NFIA: variants seen among roughly 807,000 people sequenced by gnomAD.
NFIA encodes nuclear factor I A.
NFIA carries 8 observed loss-of-function variants against 62.8 expected under a neutral mutation model. The ratio of observed to expected loss-of-function variants is 0.13; its 90% CI spans 0.07 to 0.23. The LOEUF (loss-of-function observed/expected upper bound fraction) is 0.23. Ranked by LOEUF, NFIA falls within the 10% of genes least tolerant of loss-of-function variation. The pLI, the probability that NFIA is intolerant of heterozygous loss-of-function variation, is 1.00. For synonymous variants in NFIA, 235 were observed against 238.1 expected (o/e 0.99, Z 0.12); for missense variants, 410 against 642.1 (o/e 0.64, Z 3.91).
chr1:61,186,795 C>G (rs906085010), intron 2 of NFIA, among the ~76,000 whole-genome samples: 1 of 152,190 alleles, frequency 6.6e-6, no homozygotes, highest in Non-Finnish European at 1.5e-5. Flanking sequence ...TTAATCCTTA[C>G]AGCAACCTTA....
intron 10 of NFIA, among the ~76,000 whole-genome samples, chr1:61,453,277 A>G (rs1480438104): frequency 6.6e-6 from 1 of 151,978 alleles, no homozygotes; most frequent in African/African-American, 2.4e-5. Context: ...TGCTCTTAGC[A>G]ACCAGACATG....
rs186061464 is a variant in NFIA, at chr1:61,373,057, A to G, written c.947-10180A>G. Among the ~76,000 whole-genome samples the G allele has an allele frequency of 9.2e-5, 14 of 152,290 alleles. No homozygotes were observed. In the East Asian group the frequency reaches 2.1e-3, roughly 23 times the overall value. On this transcript the variant is annotated intron_variant, in intron 6 of 10. Transcript: ENST00000403491. Reference sequence around the variant, plus strand: ...TGCTGTGTAGCTTCTAGCTTGAACTATGAACTACGGAATACTTATAAAGTG... The same window carrying G: ...TGCTGTGTAGCTTCTAGCTTGAACTGTGAACTACGGAATACTTATAAAGTG...
Position 61,102,879 on chromosome 1 carries a change from A to T in NFIA, c.559+14199A>T, listed in dbSNP as rs1448253268. ...GTAAATTCTAACGCATCAGCCTCAGATCTTTGATTCCTTGAGCTTTTGGAA... is the reference window on the plus strand; with the variant it reads ...GTAAATTCTAACGCATCAGCCTCAGTTCTTTGATTCCTTGAGCTTTTGGAA... On this transcript the variant is annotated intron_variant, in intron 2 of 10. Coordinates refer to ENST00000403491, the MANE Select transcript of NFIA (RefSeq NM_001134673.4). Among the ~76,000 whole-genome samples, 3 of 152,134 alleles carry T rather than the reference A, an allele frequency of 2.0e-5. No individual in the cohort carries two copies. In the East Asian group the frequency reaches 5.8e-4, roughly 29 times the overall value.
intron 2 of NFIA, among the ~76,000 whole-genome samples, chr1:61,164,090 C>T (rs1649403134): frequency 6.6e-6 from 1 of 151,998 alleles, no homozygotes; most frequent in South Asian, 2.1e-4. Context: ...GTGGTCTAAA[C>T]AAAGATTTTT....
chr1:61,222,420 C>T (rs1297156841), intron 2 of NFIA, among the ~76,000 whole-genome samples: 1 of 152,022 alleles, frequency 6.6e-6, no homozygotes, highest in African/African-American at 2.4e-5. Flanking sequence ...TGTTTGTTTT[C>T]ATTCTTGAAT....
intron 6 of NFIA, among the ~76,000 whole-genome samples, chr1:61,372,709 G>A (rs916443369): frequency 6.6e-6 from 1 of 152,030 alleles, no homozygotes; most frequent in Non-Finnish European, 1.5e-5. Context: ...TTTAATAGTA[G>A]TGTGGTCCTT....
In NFIA at chr1:61,359,158, G is replaced by A. The variant is rs1367849870; in HGVS notation, c.830G>A (p.Arg277His). 6.8e-6 allele frequency: 11 copies of A among 1,613,218 alleles called. No homozygotes were observed. The highest frequency in any genetic ancestry group is 1.1e-5 in the South Asian group (1 of 91,014). The change falls in exon 6 of 11, where the codon CGC becomes CAC. Residue 277 changes from arginine to histidine, a missense_variant. This residue lies in a region of NFIA where 298 missense variants were observed against 438.1 expected (regional missense o/e 0.68). Transcript: ENST00000403491. The stretch of plus-strand genomic sequence containing the variant: ...ATTTGTTATTTCAGCTCCACAAAGC[G>A]CCTCAAGTCTGTGGAGGATGAAATG... Reference protein sequence around the residue: ...PSTSSTSSTKRLKSVEDEMDS... With the variant: ...PSTSSTSSTKHLKSVEDEMDS...
intron 3 of NFIA, among the ~76,000 whole-genome samples, chr1:61,318,210 A>G (rs1660472315): frequency 6.6e-6 from 1 of 152,196 alleles, no homozygotes. Context: ...TACATTAGAT[A>G]TATAACTTAC....
At chr1:61,128,487 A>G (rs1421936277) in intron 2 of NFIA, among the ~76,000 whole-genome samples, 1 of 152,000 alleles carries the variant, frequency 6.6e-6, no homozygotes, top group African/African-American at 2.4e-5. Context: ...AGTCCTAGCT[A>G]TTAATACGTG....
chr1:61,333,047 G>GCACACA (rs71050120), intron 4 of NFIA, among the ~76,000 whole-genome samples: 2,717 of 144,690 alleles, frequency 0.019, 24 homozygotes, highest in Middle Eastern at 0.032. Flanking sequence ...TAGCATGCAC[G>GCACACA]CACACACACA....
chr1:61,436,102 T>C (rs1451058156), intron 10 of NFIA, among the ~76,000 whole-genome samples: 1 of 152,142 alleles, frequency 6.6e-6, no homozygotes, highest in Non-Finnish European at 1.5e-5. Flanking sequence ...AAACATGGAC[T>C]CTGAAAAGGC....
rs1251104862 is a variant in NFIA, at chr1:61,457,991, T to G, written c.*2671T>G. The G allele has an allele frequency of 1.3e-5, 2 of 152,112 alleles. No individual in the cohort carries two copies. Among genetic ancestry groups the G allele is most frequent in the Non-Finnish European group, 2.9e-5 (2 of 68,016 alleles). The allele number at this position is 152,112 out of a possible 1,614,324, so 9.4% of individuals were successfully genotyped here. ...TTCTGAAAATTGTTTACTGGTTATC[T>G]CTATTTAAGGAAAAAAAAATAAAAT... On this transcript the variant is annotated 3_prime_UTR_variant, in exon 11 of 11. Transcript: ENST00000403491. This position sits in a 1 kb window ranked among gnomAD's most constrained non-coding sequence, Gnocchi z 4.2.
At chr1:61,330,429 T>A (rs1212703342) in intron 3 of NFIA, among the ~76,000 whole-genome samples, 4 of 103,078 alleles carry the variant, frequency 3.9e-5, no homozygotes, top group African/African-American at 1.2e-4. Context: ...ACTTAGGAAA[T>A]AGATACACCC....
chr1:61,093,824 C>G (rs1646365559), intron 2 of NFIA, among the ~76,000 whole-genome samples: 1 of 152,146 alleles, frequency 6.6e-6, no homozygotes, highest in African/African-American at 2.4e-5. Context: ...TTGGATTTTC[C>G]TTGTCTTCTT....
At chr1:61,325,811 G>T (rs1309341402) in intron 3 of NFIA, among the ~76,000 whole-genome samples, 1 of 151,890 alleles carries the variant, frequency 6.6e-6, no homozygotes, top group East Asian at 1.9e-4. Flanking sequence ...CCAGCTACTT[G>T]GGAGGCTGAG....
At chr1:61,318,862 C>T (rs1411100170) in intron 3 of NFIA, among the ~76,000 whole-genome samples, 1 of 152,072 alleles carries the variant, frequency 6.6e-6, no homozygotes, top group Non-Finnish European at 1.5e-5. Context: ...TCTACCGAAG[C>T]TAATTTGATA....
intron 2 of NFIA, among the ~76,000 whole-genome samples, chr1:61,108,639 AT>A (rs971166079): frequency 2.0e-4 from 30 of 150,858 alleles, no homozygotes; most frequent in African/African-American, 5.8e-4. Flanking sequence ...GGCATTCTTG[AT>A]TTTTTTTTCT....
rs148915225 is a variant in NFIA at position 61,242,435 on chromosome 1, T to A, written c.560-35085T>A. Among the ~76,000 whole-genome samples the A allele has an allele frequency of 4.1e-3, 626 of 152,268 alleles. 9 individuals carry two copies. Among genetic ancestry groups the A allele is most frequent in the Admixed American group, 0.019 (291 of 15,282 alleles). On this transcript the variant is annotated intron_variant, in intron 2 of 10. Transcript: ENST00000403491. Reference sequence around the variant, plus strand: ...TAGTTTGAACTTAAAAAACAAAGCCTGGAAAAAAGAATTTTATTTGAACCC... The same window carrying A: ...TAGTTTGAACTTAAAAAACAAAGCCAGGAAAAAAGAATTTTATTTGAACCC...
chr1:61,140,251 A>G (rs1290092977), intron 2 of NFIA, among the ~76,000 whole-genome samples: 1 of 151,760 alleles, frequency 6.6e-6, no homozygotes, highest in African/African-American at 2.4e-5. Flanking sequence ...TTACATACTG[A>G]TAGCTAAGTA....
Sources: allele counts gnomAD v4.1 joint callset (sites outside exome capture counted in the v4.1 genomes callset), GRCh38; gene constraint gnomAD v4.1.1; regional missense constraint gnomAD v4.1.1; non-coding constraint Gnocchi (gnomAD v3.1); transcripts MANE v1.5; gene names NCBI Gene and HGNC (gene_info 2026-07-23, HGNC 2026-07-21).